The following PLA2G6 variants were observed in gnomAD, a reference collection of about 807,000 sequenced individuals.
PLA2G6 encodes phospholipase A2 group VI.
A neutral mutation model predicts 83.8 loss-of-function variants in PLA2G6; 62 were observed. The observed-to-expected ratio is 0.74, with a 90% CI of 0.60 to 0.91. The LOEUF (loss-of-function observed/expected upper bound fraction) is 0.91. Among genes scored for constraint, PLA2G6 ranks in the 40% least tolerant of loss-of-function variants. PLA2G6 has a pLI of 0.00. For synonymous variants in PLA2G6, 417 were observed against 449.8 expected (o/e 0.93, Z 0.92); for missense variants, 944 against 1,102.0 (o/e 0.86, Z 2.03).
chr22:38,128,185 G>T lies in PLA2G6; in HGVS notation c.1348+84C>A. ...TTCCTTTAGTGACTTCCGTCCTAGG[G>T]ATCCTGTTGCTTTGGTGGGGCCTGC... is the stretch of plus-strand genomic sequence containing the variant. On this transcript the variant is annotated intron_variant, in intron 9 of 16. Coordinates refer to ENST00000332509, the MANE Select transcript of PLA2G6 (RefSeq NM_003560.4). The surrounding 1 kb of genome is among the most constrained non-coding windows in gnomAD (Gnocchi z 4.4). 1 of 1,424,708 alleles carries T rather than the reference G, an allele frequency of 7.0e-7. No homozygotes were observed. Among genetic ancestry groups the T allele is most frequent in the Non-Finnish European group, 9.9e-7 (1 of 1,010,878 alleles). 88.3% of individuals were successfully genotyped at this position (1,424,708 alleles called of 1,614,324 possible).
chr22:38,131,976 A>C, intron 7 of PLA2G6: 2 of 347,864 alleles, frequency 5.7e-6, no homozygotes, highest in South Asian at 4.2e-5. Context: ...TTAGCTGGGC[A>C]TGGTGGCACG....
chr22:38,146,697 ATGG>A (rs1029558134), intron 2 of PLA2G6: 3 of 152,080 alleles, frequency 2.0e-5, no homozygotes, highest in African/African-American at 7.2e-5. Flanking sequence ...TATATAAATT[ATGG>A]TATAACTATG....
Position 38,120,743 on chromosome 22 carries a change from G to A in PLA2G6, c.1742+16C>T. On this transcript the variant is annotated intron_variant, in intron 12 of 16. Transcript: ENST00000332509. Reference sequence around the variant, plus strand: ...GGGCACAGCTGCGGCCACGGCCCCAGTGCGCCAGGGCTTACTTGGGTTTCC... The same window carrying A: ...GGGCACAGCTGCGGCCACGGCCCCAATGCGCCAGGGCTTACTTGGGTTTCC... 6.2e-7 allele frequency: 1 copy of A among 1,613,314 alleles called. No homozygotes were observed. Among genetic ancestry groups the A allele is most frequent in the East Asian group, 2.2e-5 (1 of 44,880 alleles).
intron 10 of PLA2G6, among the ~76,000 whole-genome samples, chr22:38,126,001 G>C (rs1014601800): frequency 1.3e-5 from 2 of 152,178 alleles, no homozygotes; most frequent in Non-Finnish European, 2.9e-5. Context: ...AGTGGGAGGT[G>C]GTTAAGGAAG....
intron 14 of PLA2G6, among the ~76,000 whole-genome samples, chr22:38,114,814 T>A (rs931660219): frequency 6.6e-6 from 1 of 152,208 alleles, no homozygotes; most frequent in Non-Finnish European, 1.5e-5. Context: ...TGCCAAGGCC[T>A]CGCAGCCTCC....
chr22:38,128,850 T>C lies in PLA2G6; in HGVS notation c.1187-420A>G, dbSNP rs2088032370. Among the ~76,000 whole-genome samples the C allele has an allele frequency of 6.6e-6, 1 of 152,040 alleles. No individual in the cohort carries two copies. The highest frequency in any genetic ancestry group is 2.1e-4 in the South Asian group (1 of 4,818). ...ATGGATGGGATTGCTGAAAAGGAGG[T>C]CATAGATGCGGTGCATGCAGACACA... is the stretch of plus-strand genomic sequence containing the variant. On this transcript the variant is annotated intron_variant, in intron 8 of 16. Coordinates refer to ENST00000332509, the MANE Select transcript of PLA2G6 (RefSeq NM_003560.4). This position sits in a 1 kb window ranked among gnomAD's most constrained non-coding sequence, Gnocchi z 4.4.
At chr22:38,153,184 C>A (rs149877314) in intron 2 of PLA2G6, among the ~76,000 whole-genome samples, 27 of 152,220 alleles carry the variant, frequency 1.8e-4, no homozygotes, top group African/African-American at 6.0e-4. Context: ...GTAATCCCAG[C>A]ACTTTGGGAG....
At chr22:38,144,297 C>T (rs1311951105) in intron 3 of PLA2G6, 1 of 152,290 alleles carries the variant, frequency 6.6e-6, no homozygotes, top group Non-Finnish European at 1.5e-5. Flanking sequence ...CCCTCTCTGG[C>T]TGAGTGACCT....
intron 2 of PLA2G6, among the ~76,000 whole-genome samples, chr22:38,168,351 T>TG (rs1426724718): frequency 4.6e-5 from 7 of 152,250 alleles, no homozygotes; most frequent in African/African-American, 7.2e-5. Context: ...CAAGCACTGC[T>TG]GGGGCCTGCA....
chr22:38,115,663 G>A lies in PLA2G6; in HGVS notation c.1898C>T (p.Ala633Val), dbSNP rs201657455. ...AQPSDQLVWR[A>V]ARSSGAAPTY... The stretch of plus-strand genomic sequence containing the variant: ...AGGAGCTGCCCCGCTGCTTCGGGCC[G>A]CCCGCCACACCAGCTGGTCTAGGGG... Residue 633 changes from alanine to valine, a missense_variant, in exon 14 of 17, where the codon GCG becomes GTG. Physicochemically the swap from Ala to Val is moderately conservative, Grantham distance 64. Coordinates refer to ENST00000332509, the MANE Select transcript of PLA2G6 (RefSeq NM_003560.4). 10 of 1,531,028 alleles carry A rather than the reference G, an allele frequency of 6.5e-6. No homozygotes were observed. The highest frequency in any genetic ancestry group is 1.4e-5 in the African/African-American group (1 of 73,102). 94.8% of individuals were successfully genotyped at this position (1,531,028 alleles called of 1,614,324 possible). A position where few individuals can be genotyped will look rare whatever the true frequency, so the allele number is the denominator to read the frequency against.
rs1048098598 is a variant in PLA2G6, at chr22:38,144,803, G to A, written c.425+635C>T. 2.9e-5 allele frequency: 5 copies of A among 170,444 alleles called. No homozygotes were observed. The South Asian group carries it at 4.2e-4, about 14-fold the overall frequency. The allele number at this position is 170,444 out of a possible 1,614,324, so 10.6% of individuals were successfully genotyped here. On this transcript the variant is annotated intron_variant, in intron 3 of 16. Transcript: ENST00000332509. Reference sequence around the variant, plus strand: ...AGCCTGGGTGACAGAATAAGACTCCGTCTCAAAATAAAATAACATAACGTA... The same window carrying A: ...AGCCTGGGTGACAGAATAAGACTCCATCTCAAAATAAAATAACATAACGTA...
Position 38,115,512 on chromosome 22 carries a change from G to C in PLA2G6, c.2034+15C>G. ...GGGAGCAGTGGGTCCAGGCCCTCTGGCCTACGGCACTCACCTTGCGGATCA... is the reference window on the plus strand; with the variant it reads ...GGGAGCAGTGGGTCCAGGCCCTCTGCCCTACGGCACTCACCTTGCGGATCA... On this transcript the variant is annotated intron_variant, in intron 14 of 16. Transcript: ENST00000332509. 6.2e-7 allele frequency: 1 copy of C among 1,610,838 alleles called. No homozygotes were observed. Among genetic ancestry groups the C allele is most frequent in the Non-Finnish European group, 8.5e-7 (1 of 1,178,110 alleles).
intron 5 of PLA2G6, chr22:38,136,559 T>A (rs2145786815): frequency 6.6e-6 from 1 of 152,218 alleles, no homozygotes; most frequent in East Asian, 1.9e-4. Flanking sequence ...ACCATTGCAC[T>A]CCAGCCTGAG....
At chr22:38,119,264 C>T (rs1446499248) in intron 12 of PLA2G6, among the ~76,000 whole-genome samples, 1 of 152,100 alleles carries the variant, frequency 6.6e-6, no homozygotes, top group Non-Finnish European at 1.5e-5. Context: ...ACCAGTGGAA[C>T]AAAACACAGC....
intron 2 of PLA2G6, among the ~76,000 whole-genome samples, chr22:38,159,422 C>T (rs2089919295): frequency 6.6e-6 from 1 of 152,016 alleles, no homozygotes; most frequent in South Asian, 2.1e-4. Context: ...TGAATTCTTC[C>T]AAACATTTAA....
At chr22:38,115,438 T>C in intron 14 of PLA2G6, 89 bp downstream of exon 14, 1 of 1,240,502 alleles carries the variant, frequency 8.1e-7, no homozygotes, top group Non-Finnish European at 1.2e-6. Flanking sequence ...CCACCTGCTG[T>C]CCTGGGGGTC....
At position 38,113,275 on chromosome 22, in the gene PLA2G6, G is replaced by A. The variant is rs1221308711; in HGVS notation, c.2202+212C>T. Among the ~76,000 whole-genome samples the A allele has an allele frequency of 4.6e-5, 7 of 152,152 alleles. No individual in the cohort carries two copies. The South Asian group carries it at 8.3e-4, about 18-fold the overall frequency. On this transcript the variant is annotated intron_variant, in intron 15 of 16. Coordinates refer to ENST00000332509, the MANE Select transcript of PLA2G6 (RefSeq NM_003560.4). ...AGAAAGGGATCCGCAGCTAAAAAGC[G>A]TTTGAAAACCCCCCTGCTGGTGGTC...
chr22:38,122,483 C>T (rs886568196), intron 11 of PLA2G6, among the ~76,000 whole-genome samples: 1 of 152,098 alleles, frequency 6.6e-6, no homozygotes, highest in Admixed American at 6.6e-5. Flanking sequence ...CAGGCGCCTT[C>T]GCAAAGCGGC....
In PLA2G6 at chr22:38,169,239, C is replaced by T. The variant is rs2090342322; in HGVS notation, c.188G>A (p.Arg63Lys). The T allele has an allele frequency of 6.2e-6, 10 of 1,614,072 alleles. No homozygotes were observed. Among genetic ancestry groups the T allele is most frequent in the Non-Finnish European group, 8.5e-6 (10 of 1,179,954 alleles). Residue 63 changes from arginine to lysine, a missense_variant, in exon 2 of 17, where the codon AGG (arginine) becomes AAG (lysine). Transcript: ENST00000332509. ...RTWDCVLVNP[R>K]NSQSGFRLFQ... The stretch of plus-strand genomic sequence containing the variant: ...CCACCGGAATCCACTCTGTGAGTTC[C>T]TGGGGTTGACCAGGACGCAGTCCCA...
Sources: allele counts gnomAD v4.1 joint callset (sites outside exome capture counted in the v4.1 genomes callset), GRCh38; gene constraint gnomAD v4.1.1; non-coding constraint Gnocchi (gnomAD v3.1); transcripts MANE v1.5; gene names NCBI Gene and HGNC (gene_info 2026-07-23, HGNC 2026-07-21).